Variants in COL23A1 observed in about 807,000 individuals in gnomAD.
The protein encoded by COL23A1 is collagen alpha-1(XXIII) chain.
A neutral mutation model predicts 99.3 loss-of-function variants in COL23A1; 97 were observed. The ratio of observed to expected loss-of-function variants is 0.98; its 90% CI spans 0.83 to 1.16. The LOEUF is 1.16. Among genes scored for constraint, COL23A1 ranks in the 50% most tolerant of loss-of-function variants. COL23A1 has a pLI of 0.00. For missense variants in COL23A1, 762 were observed against 757.4 expected, an observed-to-expected ratio of 1.01 and a Z score of -0.07; for synonymous variants, 320 against 308.2, an observed-to-expected ratio of 1.04 and a Z score of -0.40.
At position 178,278,142 on chromosome 5, in the gene COL23A1, C is replaced by T. The variant is rs13436249; in HGVS notation, c.442-7779G>A. Among the ~76,000 whole-genome samples the T allele has an allele frequency of 1.7e-3, 263 of 152,324 alleles. 1 individual carries two copies. Among genetic ancestry groups the T allele is most frequent in the African/African-American group, 5.6e-3 (232 of 41,580 alleles). ...ACCGCCACAGCGTGGCCAAACTCCACGAGGCAGTCTAGAGGGAGACAGCGT... is the reference window on the plus strand; with the variant it reads ...ACCGCCACAGCGTGGCCAAACTCCATGAGGCAGTCTAGAGGGAGACAGCGT... On this transcript the variant is annotated intron_variant, in intron 5 of 28. Transcript: ENST00000390654.
intron 2 of COL23A1, among the ~76,000 whole-genome samples, chr5:178,546,680 A>G (rs1240350049): frequency 1.3e-5 from 2 of 152,222 alleles, no homozygotes; most frequent in Non-Finnish European, 2.9e-5. Context: ...GGATGAAGGG[A>G]AAACAGAAAA....
chr5:178,391,287 G>A (rs1330708074), intron 2 of COL23A1, among the ~76,000 whole-genome samples: 9 of 152,298 alleles, frequency 5.9e-5, no homozygotes, highest in East Asian at 1.9e-4. Flanking sequence ...AAAAGATACC[G>A]TGAAGAAAAG....
At chr5:178,357,892 T>C (rs1256081173) in intron 2 of COL23A1, among the ~76,000 whole-genome samples, 1 of 148,286 alleles carries the variant, frequency 6.7e-6, no homozygotes, top group Admixed American at 6.7e-5. Flanking sequence ...TACGTGTGTG[T>C]GTATGTGTGT....
intron 17 of COL23A1, 74 bp downstream of exon 17, chr5:178,252,470 A>G (rs1215335675): frequency 4.2e-6 from 6 of 1,413,754 alleles, no homozygotes; most frequent in Admixed American, 2.0e-5. Context: ...ACAGGGTCAC[A>G]GAGCAGACAG....
intron 2 of COL23A1, among the ~76,000 whole-genome samples, chr5:178,457,676 T>G (rs1172145990): frequency 1.3e-5 from 2 of 152,222 alleles, no homozygotes; most frequent in African/African-American, 4.8e-5. Context: ...TAAATTGCGT[T>G]TGGTAACACA....
chr5:178,325,370 G>A (rs930013943), intron 2 of COL23A1, among the ~76,000 whole-genome samples: 2 of 145,146 alleles, frequency 1.4e-5, no homozygotes, highest in African/African-American at 5.2e-5. Context: ...AGCCCGTTCC[G>A]CCCAGCTCCA....
At chr5:178,355,741 C>T (rs1304433688) in intron 2 of COL23A1, among the ~76,000 whole-genome samples, 4 of 152,170 alleles carry the variant, frequency 2.6e-5, no homozygotes, top group Non-Finnish European at 5.9e-5. Flanking sequence ...CCGCCCGCCT[C>T]GGCCTCCCAA....
At chr5:178,240,670 T>A (rs1450170240) in intron 27 of COL23A1, among the ~76,000 whole-genome samples, 2 of 152,208 alleles carry the variant, frequency 1.3e-5, no homozygotes, top group Non-Finnish European at 2.9e-5. Flanking sequence ...GCTCTTCAAG[T>A]CCTTTTCTCA....
At chr5:178,432,726 T>C (rs1332000349) in intron 2 of COL23A1, among the ~76,000 whole-genome samples, 1 of 151,366 alleles carries the variant, frequency 6.6e-6, no homozygotes, top group Non-Finnish European at 1.5e-5. Flanking sequence ...CCTAAGCCAA[T>C]GTTCTGGGGC....
At chr5:178,497,492 G>A (rs1400444497) in intron 2 of COL23A1, among the ~76,000 whole-genome samples, 4 of 152,192 alleles carry the variant, frequency 2.6e-5, no homozygotes, top group East Asian at 1.9e-4. Context: ...AAAGATTAAC[G>A]TGGAAGAAGG....
intron 2 of COL23A1, among the ~76,000 whole-genome samples, chr5:178,555,476 C>T (rs1762221658): frequency 6.6e-6 from 1 of 152,204 alleles, no homozygotes; most frequent in African/African-American, 2.4e-5. Flanking sequence ...TGTCTGAAGA[C>T]AAGCGGAGAA....
At chr5:178,246,656 C>A (rs1764712980) in intron 22 of COL23A1, among the ~76,000 whole-genome samples, 4 of 151,900 alleles carry the variant, frequency 2.6e-5, no homozygotes, top group Admixed American at 2.6e-4. Context: ...AGAACAGGCT[C>A]CCTCAGCCCC....
At chr5:178,259,871 G>A (rs1381239076) in intron 11 of COL23A1, 124 bp from the exon 12 acceptor site, 8 of 825,248 alleles carry the variant, frequency 9.7e-6, no homozygotes, top group Non-Finnish European at 1.5e-5. Flanking sequence ...CCAGCCCAGA[G>A]ACCCCTGAAT....
intron 2 of COL23A1, among the ~76,000 whole-genome samples, chr5:178,523,149 TATATATATATATAC>T (rs1760051977): frequency 1.1e-5 from 1 of 91,938 alleles, no homozygotes; most frequent in African/African-American, 3.4e-5. Context: ...TAAAAATATA[TATATATATATATAC>T]ATATATATAT....
chr5:178,546,909 T>A (rs1348682948), intron 2 of COL23A1, among the ~76,000 whole-genome samples: 1 of 152,068 alleles, frequency 6.6e-6, no homozygotes, highest in Non-Finnish European at 1.5e-5. Flanking sequence ...ACAAGGGGCC[T>A]GTGTGAGGCC....
At chr5:178,336,115 G>A (rs1760302415) in intron 2 of COL23A1, among the ~76,000 whole-genome samples, 2 of 152,198 alleles carry the variant, frequency 1.3e-5, no homozygotes, top group Non-Finnish European at 2.9e-5. Flanking sequence ...GTGAGGTGAA[G>A]TAAGAACCCG....
At chr5:178,305,263 A>G (rs868074704) in intron 3 of COL23A1, among the ~76,000 whole-genome samples, 1 of 152,258 alleles carries the variant, frequency 6.6e-6, no homozygotes, top group Admixed American at 6.5e-5. Context: ...CTTGCCGGTG[A>G]GCGCTAAGGA....
chr5:178,275,944 T>C (rs1444484800), intron 5 of COL23A1, among the ~76,000 whole-genome samples: 3 of 152,186 alleles, frequency 2.0e-5, no homozygotes, highest in Non-Finnish European at 4.4e-5. Context: ...TCCATCTCCT[T>C]GCTGGGTGCC....
intron 3 of COL23A1, among the ~76,000 whole-genome samples, chr5:178,290,939 G>A (rs1329668989): frequency 6.6e-6 from 1 of 152,160 alleles, no homozygotes; most frequent in Non-Finnish European, 1.5e-5. Flanking sequence ...GAGGCCCACA[G>A]GGGCTTCACC....
Sources: allele counts gnomAD v4.1 joint callset (sites outside exome capture counted in the v4.1 genomes callset), GRCh38; gene constraint gnomAD v4.1.1; transcripts MANE v1.5; gene names NCBI Gene and HGNC (gene_info 2026-07-23, HGNC 2026-07-21).